HSPA12A: variants seen among roughly 807,000 people sequenced by gnomAD.
HSPA12A encodes heat shock 70 kDa protein 12A.
Under a neutral mutation model 69.2 loss-of-function variants are expected in HSPA12A, and 28 were observed. The ratio of observed to expected loss-of-function variants is 0.40; its 90% confidence interval spans 0.30 to 0.55. The LOEUF (loss-of-function observed/expected upper bound fraction) is 0.55. Ranked by LOEUF, HSPA12A falls within the 20% of genes least tolerant of loss-of-function variation. The probability of loss-of-function intolerance (pLI) is 0.38; values close to 1 mark genes in which losing one functional copy is unlikely to be tolerated. For missense variants in HSPA12A, 686 were observed against 900.7 expected, an observed-to-expected ratio of 0.76 and a Z score of 3.05; for synonymous variants, 345 against 370.5, an observed-to-expected ratio of 0.93 and a Z score of 0.79.
intron 1 of HSPA12A, among the ~76,000 whole-genome samples, chr10:116,848,963 G>A (rs1240708301): frequency 3.3e-5 from 5 of 152,190 alleles, no homozygotes; most frequent in African/African-American, 9.7e-5. Context: ...GCCAGCACAC[G>A]GCTCGGCTCA....
chr10:116,820,351 G>A (rs914321034), intron 2 of HSPA12A, among the ~76,000 whole-genome samples: 4 of 152,176 alleles, frequency 2.6e-5, no homozygotes, highest in African/African-American at 7.2e-5. Context: ...CAGGCGTGGA[G>A]TTTGAGATCT....
At chr10:116,752,896 T>C (rs1377563206) in intron 2 of HSPA12A, among the ~76,000 whole-genome samples, 1 of 152,206 alleles carries the variant, frequency 6.6e-6, no homozygotes, top group Non-Finnish European at 1.5e-5. Context: ...CCATTACCTA[T>C]AGCCCACTCT....
At chr10:116,780,351 T>C (rs1003475665) in intron 2 of HSPA12A, among the ~76,000 whole-genome samples, 3 of 151,462 alleles carry the variant, frequency 2.0e-5, no homozygotes, top group Admixed American at 6.6e-5. Flanking sequence ...TTTTATTATA[T>C]AATAATTATT....
rs1850851554 is a variant in HSPA12A at position 116,723,570 on chromosome 10, TG to T, written c.41-16286del. Among the ~76,000 whole-genome samples, 1 of 152,210 alleles carries T rather than the reference TG, an allele frequency of 6.6e-6. No individual in the cohort carries two copies. Among genetic ancestry groups the T allele is most frequent in the African/African-American group, 2.4e-5 (1 of 41,456 alleles). Reference sequence around the variant, plus strand: ...AACTGTCTCTCTCACAGGGCTGCTGTGGAGACCACAAGGGGTGACCCATAAG... The same window carrying T: ...AACTGTCTCTCTCACAGGGCTGCTGTGAGACCACAAGGGGTGACCCATAAG... On this transcript the variant is annotated intron_variant, in intron 1 of 11. Transcript: ENST00000369209. This position sits in a 1 kb window ranked among gnomAD's most constrained non-coding sequence, Gnocchi z 4.1.
chr10:116,683,960 T>C lies in HSPA12A; in HGVS notation c.666A>G (p.Ala222=). The C allele has an allele frequency of 6.4e-7, 1 of 1,567,178 alleles. No homozygotes were observed. Among genetic ancestry groups the C allele is most frequent in the South Asian group, 1.1e-5 (1 of 88,256 alleles). ...CCGAGTTCTCGGGGGAGGCCAGGCC[T>C]GCCTGGAAGACAGAAACAGAGGCTG... The part of the protein sequence containing the change: ...KQFMRQAAYQ[A]GLASPENSEQ... The change falls in exon 7 of 12, where the codon GCA becomes GCG. Residue 222 remains alanine, a splice_region_variant and synonymous_variant. Coordinates refer to ENST00000369209, the MANE Select transcript of HSPA12A (RefSeq NM_025015.3).
At chr10:116,709,855 G>A (rs1850372720) in intron 1 of HSPA12A, among the ~76,000 whole-genome samples, 1 of 152,150 alleles carries the variant, frequency 6.6e-6, no homozygotes, top group Non-Finnish European at 1.5e-5. Context: ...CAAATTTTAT[G>A]TTATACATAC....
chr10:116,767,353 C>T (rs1472245380), intron 2 of HSPA12A, among the ~76,000 whole-genome samples: 2 of 152,290 alleles, frequency 1.3e-5, no homozygotes, highest in East Asian at 3.9e-4. Context: ...TCCCATCCTG[C>T]ACCCCTCCCC....
chr10:116,835,735 G>A (rs960392485), intron 1 of HSPA12A, among the ~76,000 whole-genome samples: 1 of 152,148 alleles, frequency 6.6e-6, no homozygotes, highest in Non-Finnish European at 1.5e-5. Flanking sequence ...TTACTAGTTG[G>A]AATGCAAGAA....
chr10:116,725,842 C>T (rs1458250847), intron 1 of HSPA12A, among the ~76,000 whole-genome samples: 1 of 151,968 alleles, frequency 6.6e-6, no homozygotes, highest in Non-Finnish European at 1.5e-5. Context: ...CCAACCCCTG[C>T]CACACTAATA....
intron 1 of HSPA12A, among the ~76,000 whole-genome samples, chr10:116,731,519 T>C (rs1395309604): frequency 6.6e-6 from 1 of 152,212 alleles, no homozygotes; most frequent in Non-Finnish European, 1.5e-5. Flanking sequence ...CTGTGCATTA[T>C]TGTCATGCAA....
intron 2 of HSPA12A, among the ~76,000 whole-genome samples, chr10:116,771,342 CA>C (rs1469880939): frequency 6.6e-6 from 1 of 151,806 alleles, no homozygotes; most frequent in African/African-American, 2.4e-5. Flanking sequence ...GAGGGGAGGA[CA>C]GGGGCCCTGA....
chr10:116,715,408 C>T (rs1850575219), intron 1 of HSPA12A, among the ~76,000 whole-genome samples: 1 of 152,206 alleles, frequency 6.6e-6, no homozygotes, highest in Non-Finnish European at 1.5e-5. Flanking sequence ...GCTGACCAGA[C>T]ATTGGTAATG....
chr10:116,707,308 C>T (rs1417077130), intron 1 of HSPA12A, 23 bp from the exon 2 acceptor site: 7 of 1,583,856 alleles, frequency 4.4e-6, no homozygotes, highest in African/African-American at 1.3e-5. Flanking sequence ...ACAAAGCCGC[C>T]TCCTTAGAAG....
At chr10:116,763,767 G>T (rs1329351408) in intron 2 of HSPA12A, among the ~76,000 whole-genome samples, 9 of 152,206 alleles carry the variant, frequency 5.9e-5, no homozygotes, top group Admixed American at 5.9e-4. Flanking sequence ...AATTGGAAAA[G>T]ATCATCTGAG....
chr10:116,722,026 G>A (rs1047630060), intron 1 of HSPA12A, among the ~76,000 whole-genome samples: 1 of 152,218 alleles, frequency 6.6e-6, no homozygotes, highest in African/African-American at 2.4e-5. Flanking sequence ...GGCAAGGGAG[G>A]AGGTCTTGGG....
intron 2 of HSPA12A, among the ~76,000 whole-genome samples, chr10:116,775,741 C>T (rs1477586565): frequency 1.3e-5 from 2 of 152,152 alleles, no homozygotes; most frequent in Non-Finnish European, 2.9e-5. Context: ...CATCAGGGCA[C>T]AGAAGTAACA....
intron 1 of HSPA12A, among the ~76,000 whole-genome samples, chr10:116,741,873 C>G (rs1851519660): frequency 6.6e-6 from 1 of 152,216 alleles, no homozygotes; most frequent in South Asian, 2.1e-4. Flanking sequence ...GGGTGAGAAG[C>G]CCTTCGGCCG....
intron 5 of HSPA12A, among the ~76,000 whole-genome samples, chr10:116,695,421 C>A (rs1849858081): frequency 6.6e-6 from 1 of 152,100 alleles, no homozygotes; most frequent in Non-Finnish European, 1.5e-5. Context: ...TGGTGGCTCA[C>A]ACCTGTAATC....
At chr10:116,821,225 G>A (rs891745563) in intron 2 of HSPA12A, among the ~76,000 whole-genome samples, 3 of 152,192 alleles carry the variant, frequency 2.0e-5, no homozygotes, top group Non-Finnish European at 4.4e-5. Flanking sequence ...CACCTCAGAG[G>A]AGAAGCTGGA....
Sources: gnomAD v4.1 joint callset for allele counts (sites outside exome capture counted in the v4.1 genomes callset) on GRCh38, gnomAD v4.1.1 for gene constraint, Gnocchi (gnomAD v3.1) non-coding constraint, MANE v1.5 for transcripts, NCBI Gene and HGNC (gene_info 2026-07-23, HGNC 2026-07-21) for gene names.